The following OSBPL10 variants were observed in gnomAD, a reference collection of about 807,000 sequenced individuals.
OSBPL10 encodes oxysterol binding protein like 10, also known as oxysterol-binding protein-related protein 10.
In OSBPL10, 49 loss-of-function variants were observed where a neutral mutation model predicts 81.7. The ratio of observed to expected loss-of-function variants is 0.60; its 90% confidence interval spans 0.48 to 0.76. The LOEUF is 0.76. Among genes scored for constraint, OSBPL10 ranks in the 30% least tolerant of loss-of-function variants. The pLI is 0.00. For missense variants in OSBPL10, 923 were observed against 987.8 expected, an observed-to-expected ratio of 0.93 and a Z score of 0.88; for synonymous variants, 419 against 383.6, an observed-to-expected ratio of 1.09 and a Z score of -1.08.
intron 6 of OSBPL10, chr3:31,714,842 C>T (rs145117121): frequency 6.5e-6 from 1 of 153,272 alleles, no homozygotes; most frequent in East Asian, 1.9e-4. Flanking sequence ...CCAGCTCATC[C>T]TTCTGCTCCA....
chr3:31,972,524 C>T (rs1018262235), intron 1 of OSBPL10, among the ~76,000 whole-genome samples: 1 of 152,308 alleles, frequency 6.6e-6, no homozygotes, highest in South Asian at 2.1e-4. Flanking sequence ...ACTGCAGAGA[C>T]GGCTGAGTGA....
chr3:31,763,338 G>GT (rs1559454124), intron 4 of OSBPL10, among the ~76,000 whole-genome samples: 4 of 152,126 alleles, frequency 2.6e-5, no homozygotes, highest in South Asian at 2.1e-4. Context: ...TAGTAGATCA[G>GT]TTTTTTTCTC....
intron 4 of OSBPL10, among the ~76,000 whole-genome samples, chr3:31,774,548 T>G (rs909766011): frequency 2.0e-5 from 3 of 152,044 alleles, no homozygotes; most frequent in Non-Finnish European, 2.9e-5. Flanking sequence ...AGTCTTGCTC[T>G]GTAGCCCAGG....
intron 3 of OSBPL10, among the ~76,000 whole-genome samples, chr3:31,847,211 T>TAAAAA (rs369782801): frequency 0.014 from 2,014 of 148,732 alleles, 25 homozygotes; most frequent in South Asian, 0.062. Flanking sequence ...TTTTTTTTTT[T>TAAAAA]AAAAAGACAG....
intron 2 of OSBPL10, among the ~76,000 whole-genome samples, chr3:32,027,172 C>G (rs976488589): frequency 1.7e-4 from 26 of 152,256 alleles, no homozygotes; most frequent in Admixed American, 1.4e-3. Context: ...AATGCTCTCC[C>G]TCCCTTTGCC....
intron 5 of OSBPL10, among the ~76,000 whole-genome samples, chr3:31,740,792 AAAAGAAAG>A (rs1246425540): frequency 1.3e-5 from 2 of 148,450 alleles, no homozygotes; most frequent in African/African-American, 5.2e-5. Context: ...AAAAAAGAAA[AAAAGAAAG>A]AAAGAAAGAA....
In OSBPL10 at chr3:31,730,877, C is replaced by T. The variant is rs371222422; in HGVS notation, c.1095+2380G>A. 4.4e-4 allele frequency among the ~76,000 whole-genome samples: 67 copies of T among 152,322 alleles called. 1 individual carries two copies. In the East Asian group the frequency reaches 9.1e-3, roughly 21 times the overall value. On this transcript the variant is annotated intron_variant, in intron 6 of 11. Coordinates refer to ENST00000396556, the MANE Select transcript of OSBPL10 (RefSeq NM_017784.5). ...GAAGACAATAGTTAATTTAGTTACA[C>T]GACCATAATAACCACAATTCTGAAA...
chr3:31,918,769 A>T (rs1480142175), intron 1 of OSBPL10, among the ~76,000 whole-genome samples: 1 of 152,180 alleles, frequency 6.6e-6, no homozygotes, highest in East Asian at 1.9e-4. Context: ...ATCTATTAAT[A>T]AATCTTCCAA....
chr3:31,678,087 C>CAAAAAA lies in OSBPL10; in HGVS notation c.1726+5541_1726+5546dup, dbSNP rs1174037204. On this transcript the variant is annotated intron_variant, in intron 8 of 11. Transcript: ENST00000396556. ...TGGGCGACAGAGCGAGACTCCGTCT[C>CAAAAAA]AAAAAAAAAAAAAAAAAAAAAGACA... 9.3e-3 allele frequency among the ~76,000 whole-genome samples: 710 copies of CAAAAAA among 76,604 alleles called. 52 individuals carry two copies. Among genetic ancestry groups the CAAAAAA allele is most frequent in the African/African-American group, 0.035 (630 of 18,250 alleles). The allele number at this position is 76,604 out of a possible 152,430, so 50.3% of individuals were successfully genotyped here. A position where few individuals can be genotyped will look rare whatever the true frequency, so the allele number is the denominator to read the frequency against.
chr3:31,919,119 T>G (rs1156749238), intron 1 of OSBPL10, among the ~76,000 whole-genome samples: 3 of 152,168 alleles, frequency 2.0e-5, no homozygotes, highest in Admixed American at 6.5e-5. Flanking sequence ...CCAGACCACC[T>G]GGAAAGATCG....
intron 4 of OSBPL10, among the ~76,000 whole-genome samples, chr3:31,788,983 T>C (rs1488609520): frequency 6.6e-6 from 1 of 152,058 alleles, no homozygotes; most frequent in African/African-American, 2.4e-5. Context: ...GGTTTTGTTT[T>C]GTTTTTTGTT....
chr3:32,010,658 G>T (rs1331926407), intron 2 of OSBPL10, among the ~76,000 whole-genome samples: 1 of 152,224 alleles, frequency 6.6e-6, no homozygotes, highest in African/African-American at 2.4e-5. Context: ...CTTCACCCAG[G>T]AAGTGCAAGG....
At chr3:31,678,414 T>C (rs535783443) in intron 8 of OSBPL10, among the ~76,000 whole-genome samples, 26 of 152,148 alleles carry the variant, frequency 1.7e-4, no homozygotes, top group Non-Finnish European at 3.4e-4. Context: ...ATCACACACG[T>C]GACACCACTG....
At chr3:31,684,697 C>T (rs571487167) in intron 7 of OSBPL10, among the ~76,000 whole-genome samples, 5 of 152,322 alleles carry the variant, frequency 3.3e-5, no homozygotes, top group Admixed American at 1.3e-4. Context: ...GTGGAAAGGG[C>T]CCAGCTCCAG....
intron 2 of OSBPL10, among the ~76,000 whole-genome samples, chr3:32,045,432 C>T (rs1366396001): frequency 1.3e-5 from 2 of 152,156 alleles, no homozygotes; most frequent in African/African-American, 4.8e-5. Context: ...TACAAAAAGA[C>T]AGCCAAGACT....
chr3:31,663,157 G>T (rs1700108170), intron 11 of OSBPL10: 1 of 985,276 alleles, frequency 1.0e-6, no homozygotes, highest in Non-Finnish European at 1.2e-6. Flanking sequence ...GAAGTCAGGG[G>T]TTACCAGCAC....
chr3:31,964,638 C>A (rs898073377), intron 1 of OSBPL10, among the ~76,000 whole-genome samples: 1 of 152,104 alleles, frequency 6.6e-6, no homozygotes, highest in Non-Finnish European at 1.5e-5. Context: ...TCCAAGTAGT[C>A]CTGAAGCTGA....
At chr3:31,768,649 G>C (rs1191988664) in intron 4 of OSBPL10, among the ~76,000 whole-genome samples, 1 of 152,046 alleles carries the variant, frequency 6.6e-6, no homozygotes, top group South Asian at 2.1e-4. Flanking sequence ...AAAGGTAACC[G>C]GCAGCCTGAG....
chr3:31,935,280 G>C (rs1253676568), intron 1 of OSBPL10, among the ~76,000 whole-genome samples: 1 of 152,086 alleles, frequency 6.6e-6, no homozygotes, highest in Non-Finnish European at 1.5e-5. Flanking sequence ...AGATAAGAGA[G>C]ACCATTTATC....
Sources: allele counts gnomAD v4.1 joint callset (sites outside exome capture counted in the v4.1 genomes callset), GRCh38; gene constraint gnomAD v4.1.1; transcripts MANE v1.5; gene names NCBI Gene and HGNC (gene_info 2026-07-23, HGNC 2026-07-21).